Variants in BCR observed in about 807,000 individuals in gnomAD.
BCR encodes the protein breakpoint cluster region protein.
In BCR, 58 loss-of-function variants were observed where a neutral mutation model predicts 138.6. The observed-to-expected ratio is 0.42, with a 90% CI of 0.34 to 0.52. The LOEUF (loss-of-function observed/expected upper bound fraction) is 0.52. Among genes scored for constraint, BCR ranks in the 20% least tolerant of loss-of-function variants. The pLI is 0.06. For missense variants in BCR, 1,599 were observed against 1,727.2 expected, an observed-to-expected ratio of 0.93 and a Z score of 1.32; for synonymous variants, 786 against 730.1, an observed-to-expected ratio of 1.08 and a Z score of -1.23.
chr22:23,311,673 T>C (rs759346304), intron 18 of BCR, 24 bp from the exon 19 acceptor site: 21 of 1,563,784 alleles, frequency 1.3e-5, no homozygotes, highest in Non-Finnish European at 1.8e-5. Flanking sequence ...GTTAGGACAC[T>C]GAGAACATTC....
At chr22:23,310,130 T>C (rs2073991167) in intron 17 of BCR, 194 bp from the exon 18 acceptor site, 1 of 493,684 alleles carries the variant, frequency 2.0e-6, no homozygotes, top group East Asian at 4.1e-5. Context: ...AACCAGTCGT[T>C]TACATCATCT....
intron 1 of BCR, among the ~76,000 whole-genome samples, chr22:23,204,735 C>T (rs886692075): frequency 6.6e-6 from 1 of 152,226 alleles, no homozygotes; most frequent in African/African-American, 2.4e-5. Flanking sequence ...AGAGGCCGTG[C>T]AGGTTTCATC....
chr22:23,315,404 C>T (rs1168292218), intron 22 of BCR, 29 bp from the exon 23 acceptor site: 1 of 1,609,394 alleles, frequency 6.2e-7, no homozygotes, highest in Admixed American at 1.7e-5. Context: ...CTCTGAGCCA[C>T]TCTTCTCTTC....
intron 1 of BCR, among the ~76,000 whole-genome samples, chr22:23,253,297 A>G (rs1298295821): frequency 6.6e-6 from 1 of 152,114 alleles, no homozygotes; most frequent in Non-Finnish European, 1.5e-5. Flanking sequence ...GTCACTGGCC[A>G]TTGGTGATCA....
Position 23,181,306 on chromosome 22 carries a change from C to T in BCR, c.346C>T (p.Arg116Trp), listed in dbSNP as rs1193464574. 1 of 1,359,976 alleles carries T rather than the reference C, an allele frequency of 7.4e-7. No individual in the cohort carries two copies. Among genetic ancestry groups the T allele is most frequent in the Non-Finnish European group, 9.5e-7 (1 of 1,055,630 alleles). The allele number at this position is 1,359,976 out of a possible 1,614,324, so 84.2% of individuals were successfully genotyped here. Residue 116 changes from arginine (R) to tryptophan (W), a missense_variant, in exon 1 of 23, where the codon CGG becomes TGG. By Grantham distance (101) the Arg-to-Trp change is moderately radical. Around this residue, in one of 4 missense-constraint regions of BCR, gnomAD observed 806 missense variants for 635.0 expected, o/e 1.27. Transcript: ENST00000305877. ...GCCGCCCGCCGAGGAGCCCGAGGCC[C>T]GGCCCGACGGCGAGGGTTCTCCGGG... The part of the protein sequence containing the change: ...DPPPAEEPEA[R>W]PDGEGSPGKA...
chr22:23,232,577 C>T (rs933037990), intron 1 of BCR, among the ~76,000 whole-genome samples: 3 of 152,182 alleles, frequency 2.0e-5, no homozygotes, highest in African/African-American at 7.2e-5. Flanking sequence ...TGGGGTTCCC[C>T]ACCTGGAAAG....
intron 4 of BCR, chr22:23,263,161 A>C (rs2073389633): frequency 1.3e-6 from 1 of 766,094 alleles, no homozygotes; most frequent in East Asian, 2.7e-5. Flanking sequence ...AGGGAGGAGG[A>C]GGAGGAGGCG....
intron 11 of BCR, among the ~76,000 whole-genome samples, chr22:23,287,550 G>A (rs1406789930): frequency 1.3e-5 from 2 of 152,318 alleles, no homozygotes; most frequent in African/African-American, 4.8e-5. Context: ...TGCAGATCTG[G>A]CCCTTGGTAC....
intron 1 of BCR, among the ~76,000 whole-genome samples, chr22:23,241,984 C>A (rs1399011917): frequency 6.6e-6 from 1 of 152,194 alleles, no homozygotes; most frequent in African/African-American, 2.4e-5. Context: ...GCTGTACCCC[C>A]TTTCCCAGAG....
chr22:23,245,841 C>T (rs1349332330), intron 1 of BCR, among the ~76,000 whole-genome samples: 1 of 151,870 alleles, frequency 6.6e-6, no homozygotes, highest in Non-Finnish European at 1.5e-5. Context: ...ATTCACATAA[C>T]ATAAAATGAA....
At chr22:23,217,391 C>T (rs1304696968) in intron 1 of BCR, among the ~76,000 whole-genome samples, 1 of 152,202 alleles carries the variant, frequency 6.6e-6, no homozygotes, top group African/African-American at 2.4e-5. Flanking sequence ...AGTGACCACA[C>T]CATGGGGTAC....
At position 23,180,829 on chromosome 22, in the gene BCR, T is replaced by C. The variant is rs2072235792; in HGVS notation, c.-132T>C. ...CTGCCACCAGGGAGTGGGCGGGCAT[T>C]GTTCGCCGCCGCCGCCGCCGCGCGG... On this transcript the variant is annotated 5_prime_UTR_variant, in exon 1 of 23. Coordinates refer to ENST00000305877, the MANE Select transcript of BCR (RefSeq NM_004327.4). The C allele has an allele frequency of 2.5e-6, 1 of 397,624 alleles. No individual in the cohort carries two copies. Among genetic ancestry groups the C allele is most frequent in the Admixed American group, 6.8e-5 (1 of 14,722 alleles). The allele number at this position is 397,624 out of a possible 1,614,324, so 24.6% of individuals were successfully genotyped here.
Position 23,290,478 on chromosome 22 carries a change from C to G in BCR, c.2782+65C>G, listed in dbSNP as rs131677. On this transcript the variant is annotated intron_variant, in intron 14 of 22. Coordinates refer to ENST00000305877, the MANE Select transcript of BCR (RefSeq NM_004327.4). ...CCAGGGTCTCCACCCAGGAAGGACT[C>G]ATCGGGCAGGGTGTGGGGAAACAGG... 7.1e-4 allele frequency: 1,077 copies of G among 1,509,300 alleles called. 20 individuals carry two copies. In the South Asian group the frequency reaches 0.012, roughly 16 times the overall value. The allele number at this position is 1,509,300 out of a possible 1,614,324, so 93.5% of individuals were successfully genotyped here.
intron 1 of BCR, among the ~76,000 whole-genome samples, chr22:23,197,114 A>G (rs557285710): frequency 1.5e-4 from 23 of 152,338 alleles, no homozygotes; most frequent in African/African-American, 5.3e-4. Flanking sequence ...TGGTCCCATA[A>G]GATTATAATA....
rs114891234 is a variant in BCR at position 23,214,538 on chromosome 22, C to T, written c.1279+32299C>T. ...TGGCCAGGAGGACCTGCATTTCCTT[C>T]GGACTGTCTCTCTGCTCAGGCGGAT... On this transcript the variant is annotated intron_variant, in intron 1 of 22. Coordinates refer to ENST00000305877, the MANE Select transcript of BCR (RefSeq NM_004327.4). Among the ~76,000 whole-genome samples, 493 of 152,350 alleles carry T rather than the reference C, an allele frequency of 3.2e-3. 1 individual carries two copies. Among genetic ancestry groups the T allele is most frequent in the African/African-American group, 8.6e-3 (356 of 41,586 alleles).
chr22:23,205,938 T>C (rs1224450641), intron 1 of BCR, among the ~76,000 whole-genome samples: 2 of 152,178 alleles, frequency 1.3e-5, no homozygotes, highest in Non-Finnish European at 2.9e-5. Flanking sequence ...ATGCAATCGA[T>C]GACAGAGCCA....
At chr22:23,303,285 C>T (rs1038836595) in intron 16 of BCR, among the ~76,000 whole-genome samples, 2 of 152,098 alleles carry the variant, frequency 1.3e-5, no homozygotes, top group African/African-American at 4.8e-5. Context: ...CAGAGACAAA[C>T]ATAAGCCAAA....
Position 23,273,085 on chromosome 22 carries a change from G to A in BCR, c.1926G>A (p.Leu642=). The stretch of plus-strand genomic sequence containing the variant: ...ACCTCCCCTCTCTCTCCACAGCTCT[G>A]CTCTACAAGCCTGTGGACCGTGTGA... ...DPTTKNSLET[L]LYKPVDRVTR... Residue 642 remains leucine (L), a synonymous_variant, in exon 7 of 23, where the codon CTG becomes CTA. Coordinates refer to ENST00000305877, the MANE Select transcript of BCR (RefSeq NM_004327.4). 3.1e-6 allele frequency: 5 copies of A among 1,613,306 alleles called. No individual in the cohort carries two copies. Among genetic ancestry groups the A allele is most frequent in the Non-Finnish European group, 4.2e-6 (5 of 1,179,642 alleles).
chr22:23,257,341 G>A (rs2073305614), intron 2 of BCR, among the ~76,000 whole-genome samples: 1 of 152,188 alleles, frequency 6.6e-6, no homozygotes, highest in Non-Finnish European at 1.5e-5. Flanking sequence ...TGCCTGTGCT[G>A]TTTTTCCTCC....
Sources: allele counts gnomAD v4.1 joint callset (sites outside exome capture counted in the v4.1 genomes callset), GRCh38; gene constraint gnomAD v4.1.1; regional missense constraint gnomAD v4.1.1; transcripts MANE v1.5; gene names NCBI Gene and HGNC (gene_info 2026-07-23, HGNC 2026-07-21).